Variants in EWSR1 observed in about 807,000 individuals in gnomAD.
The protein encoded by EWSR1 is RNA-binding protein EWS.
In EWSR1, 14 loss-of-function variants were observed where a neutral mutation model predicts 92.1. The observed-to-expected ratio is 0.15, with a 90% CI of 0.10 to 0.24. The LOEUF (loss-of-function observed/expected upper bound fraction) is 0.24, where lower values mean the gene tolerates loss of function less well. EWSR1 is among the 10% of genes least tolerant of loss of function. The probability of loss-of-function intolerance (pLI) is 1.00; values close to 1 mark genes in which losing one functional copy is unlikely to be tolerated. For missense variants in EWSR1, 637 were observed against 870.9 expected (o/e 0.73, Z 3.38); for synonymous variants, 303 against 292.9 (o/e 1.03, Z -0.35).
intron 13 of EWSR1, 26 bp downstream of exon 13, chr22:29,297,975 CATTAAAAG>C: frequency 6.3e-7 from 1 of 1,599,444 alleles, no homozygotes; most frequent in Non-Finnish European, 8.5e-7. Context: ...TCCTATGTTG[CATTAAAAG>C]GTTTTCAGTA....
Position 29,292,514 on chromosome 22 carries a change from T to C in EWSR1, c.1072T>C (p.Ser358Pro). The C allele has an allele frequency of 6.2e-7, 1 of 1,613,566 alleles. No individual in the cohort carries two copies. Among genetic ancestry groups the C allele is most frequent in the Non-Finnish European group, 8.5e-7 (1 of 1,179,658 alleles). Residue 358 changes from serine to proline, a missense_variant, in exon 11 of 17, where the codon TCT (serine) becomes CCT (proline). Ser to Pro is a moderately conservative substitution (Grantham distance 74). Coordinates refer to ENST00000397938, the MANE Select transcript of EWSR1 (RefSeq NM_005243.4). ...CCCACCTGTAGATCCAGATGAAGAC[T>C]CTGACAACAGTGCAATTTATGTACA... ...LGPPVDPDED[S>P]DNSAIYVQGL... is the part of the protein sequence containing the mutation.
intron 4 of EWSR1, chr22:29,274,594 T>A: frequency 2.7e-6 from 1 of 372,972 alleles, no homozygotes; most frequent in Non-Finnish European, 4.9e-6. Flanking sequence ...AAGGATAGAT[T>A]GCATGATGAG....
chr22:29,276,196 G>C (rs975562548), intron 4 of EWSR1: 1 of 229,862 alleles, frequency 4.4e-6, no homozygotes. Context: ...GGGTGTAATC[G>C]GTATATGAAC....
At chr22:29,271,878 C>T (rs957532753) in intron 1 of EWSR1, among the ~76,000 whole-genome samples, 2 of 152,100 alleles carry the variant, frequency 1.3e-5, no homozygotes, top group African/African-American at 2.4e-5. Context: ...GTTAGTAGAT[C>T]TTGTTGTCAG....
intron 1 of EWSR1, among the ~76,000 whole-genome samples, chr22:29,268,917 C>T (rs2857460): frequency 0.17 from 25,130 of 152,292 alleles, 2,290 homozygotes; most frequent in Non-Finnish European, 0.21. Context: ...CGCTGCCGAG[C>T]TGCCCCCTCT....
intron 5 of EWSR1, among the ~76,000 whole-genome samples, chr22:29,280,040 A>G (rs1262978109): frequency 1.3e-5 from 2 of 152,062 alleles, no homozygotes; most frequent in Non-Finnish European, 2.9e-5. Context: ...AGCTCAGGAA[A>G]AGTTAGTACT....
rs1370641709 is a variant in EWSR1 at position 29,299,330 on chromosome 22, G to A, written c.1677G>A (p.Pro559=). 4.3e-6 allele frequency: 7 copies of A among 1,613,236 alleles called. No homozygotes were observed. The highest frequency in any genetic ancestry group is 2.2e-5 in the East Asian group (1 of 44,864). ...EGFLPPPFPP[P]GGDRGRGGPG... ...TCCTCCCGCCACCCTTTCCGCCCCC[G>A]GGTAGGTGCAGGTTTCATGAGTGTC... is the stretch of plus-strand genomic sequence containing the variant. Residue 559 remains proline, a splice_region_variant and synonymous_variant, in exon 15 of 17, where the codon CCG becomes CCA. Transcript: ENST00000397938.
rs769800257 is a variant in EWSR1, at chr22:29,292,560, C to A, written c.1118C>A (p.Thr373Asn). 2 of 1,613,990 alleles carry A rather than the reference C, an allele frequency of 1.2e-6. No individual in the cohort carries two copies. Among genetic ancestry groups the A allele is most frequent in the Admixed American group, 3.3e-5 (2 of 60,016 alleles). ...IYVQGLNDSV[T>N]LDDLADFFKQ... ...GTACAAGGATTAAATGACAGTGTGACTCTAGATGATCTGGCAGACTTCTTT... is the reference window on the plus strand; with the variant it reads ...GTACAAGGATTAAATGACAGTGTGAATCTAGATGATCTGGCAGACTTCTTT... The change falls in exon 11 of 17, where the codon ACT becomes AAT. Residue 373 changes from threonine to asparagine, a missense_variant. Thr to Asn is a moderately conservative substitution (Grantham distance 65, BLOSUM62 0). Transcript: ENST00000397938.
intron 5 of EWSR1, among the ~76,000 whole-genome samples, chr22:29,280,729 G>A (rs1164428741): frequency 5.3e-5 from 8 of 150,546 alleles, no homozygotes; most frequent in East Asian, 2.0e-4. Flanking sequence ...GCTAGAGTGC[G>A]ATGGCACAAT....
intron 6 of EWSR1, among the ~76,000 whole-genome samples, chr22:29,284,377 A>C (rs2059857290): frequency 6.6e-6 from 1 of 151,158 alleles, no homozygotes; most frequent in African/African-American, 2.5e-5. Context: ...CCTTTTTTGC[A>C]CTCATTTCAT....
intron 3 of EWSR1, 46 bp downstream of exon 3, chr22:29,272,477 C>T (rs757936434): frequency 9.7e-6 from 15 of 1,546,432 alleles, no homozygotes; most frequent in Middle Eastern, 2.3e-4. Flanking sequence ...CAAGTAAAAT[C>T]AGTATATTAT....
chr22:29,274,315 A>G (rs1569051642), intron 4 of EWSR1: 5 of 1,611,184 alleles, frequency 3.1e-6, no homozygotes, highest in Non-Finnish European at 4.2e-6. Flanking sequence ...TGCATGGGAA[A>G]TGCTTTCCAT....
intron 8 of EWSR1, chr22:29,290,477 C>T (rs1185048341): frequency 8.1e-6 from 13 of 1,613,196 alleles, no homozygotes; most frequent in Non-Finnish European, 1.1e-5. Context: ...AGTACTCAGC[C>T]GGCAGCATAA....
At position 29,268,872 on chromosome 22, in the gene EWSR1, G is replaced by A. The variant is rs2058385528; in HGVS notation, c.13+523G>A. ...GTGCCGGCCTATGAGCGGGAGCCCC[G>A]TCATCCTTAAGACCCAGTCGGCTGG... On this transcript the variant is annotated intron_variant, in intron 1 of 16. Transcript: ENST00000397938. Among the ~76,000 whole-genome samples the A allele has an allele frequency of 2.6e-5, 4 of 152,244 alleles. No homozygotes were observed. The South Asian group carries it at 8.3e-4, about 31-fold the overall frequency.
In EWSR1 at chr22:29,297,926, G is replaced by C; in HGVS notation, c.1394G>C (p.Gly465Ala). The C allele has an allele frequency of 6.2e-7, 1 of 1,613,914 alleles. No individual in the cohort carries two copies. Among genetic ancestry groups the C allele is most frequent in the Non-Finnish European group, 8.5e-7 (1 of 1,179,942 alleles). ...GGTCTGCCACCCCGTGAGGGCAGAG[G>C]CATGCCACCACCACTCCGTGGAGGT... ...RGGLPPREGR[G>A]MPPPLRGGPG... Residue 465 changes from glycine to alanine, a missense_variant, in exon 13 of 17, where the codon GGC becomes GCC. By Grantham distance (60) the Gly-to-Ala change is moderately conservative. Transcript: ENST00000397938.
chr22:29,290,847 C>G (rs969028902), intron 8 of EWSR1: 9 of 312,080 alleles, frequency 2.9e-5, no homozygotes, highest in Middle Eastern at 1.0e-3. Flanking sequence ...AAAACAAAAT[C>G]TAACCCAAAA....
At chr22:29,280,642 AT>A (rs1402057353) in intron 5 of EWSR1, among the ~76,000 whole-genome samples, 1 of 138,436 alleles carries the variant, frequency 7.2e-6, no homozygotes, top group Non-Finnish European at 1.6e-5. Flanking sequence ...TTAGGAAATG[AT>A]TTTTTTCTGG....
chr22:29,272,578 T>A (rs2058764818), intron 3 of EWSR1, 147 bp downstream of exon 3: 4 of 746,964 alleles, frequency 5.4e-6, no homozygotes, highest in Non-Finnish European at 6.6e-6. Flanking sequence ...ACAGTGGGAG[T>A]GCGAAGGACT....
intron 5 of EWSR1, among the ~76,000 whole-genome samples, chr22:29,280,971 C>G (rs1308382352): frequency 6.8e-6 from 1 of 147,950 alleles, no homozygotes; most frequent in African/African-American, 2.5e-5. Context: ...GCTCCGCCTC[C>G]CAGGTTCATG....
Sources: allele counts gnomAD v4.1 joint callset (sites outside exome capture counted in the v4.1 genomes callset), GRCh38; gene constraint gnomAD v4.1.1; transcripts MANE v1.5; gene names NCBI Gene and HGNC (gene_info 2026-07-23, HGNC 2026-07-21).